The following SLC17A3 variants were observed in gnomAD, a reference collection of about 807,000 sequenced individuals.
SLC17A3 encodes the protein solute carrier family 17 member 3.
A neutral mutation model predicts 60.3 loss-of-function variants in SLC17A3; 61 were observed. The observed-to-expected ratio is 1.01, with a 90% CI of 0.82 to 1.25. The LOEUF (loss-of-function observed/expected upper bound fraction) is 1.25, where lower values mean the gene tolerates loss of function less well. Among genes scored for constraint, SLC17A3 ranks in the 50% most tolerant of loss-of-function variants. The probability of loss-of-function intolerance (pLI) is 0.00; values close to 1 mark genes in which losing one functional copy is unlikely to be tolerated. For synonymous variants in SLC17A3, 192 were observed against 208.9 expected (o/e 0.92, Z 0.70); for missense variants, 624 against 594.9 (o/e 1.05, Z -0.51).
chr6:25,850,465 G>C lies in SLC17A3; in HGVS notation c.987C>G (p.Ile329Met). ...GGGAAGGAAACATACTCACGTCTCT[G>C]ATGTTAACATGGTACACAGAGCTGA... ...TYISSVYHVN[I>M]RDNGLLSALP... The change falls in exon 8 of 13, where the codon ATC (isoleucine) becomes ATG (methionine). Residue 329 changes from isoleucine (I) to methionine (M), a missense_variant. Ile to Met is a conservative substitution (Grantham distance 10). Coordinates refer to ENST00000397060, the MANE Select transcript of SLC17A3 (RefSeq NM_001098486.2). 1 of 1,613,712 alleles carries C rather than the reference G, an allele frequency of 6.2e-7. No individual in the cohort carries two copies. Among genetic ancestry groups the C allele is most frequent in the Non-Finnish European group, 8.5e-7 (1 of 1,179,716 alleles).
chr6:25,849,444 C>G lies in SLC17A3; in HGVS notation c.1292G>C (p.Gly431Ala). 1 of 1,611,418 alleles carries G rather than the reference C, an allele frequency of 6.2e-7. No individual in the cohort carries two copies. The highest frequency in any genetic ancestry group is 1.7e-5 in the Admixed American group (1 of 60,008). ...TATGCTCGAAAATCCTCTTGATGCT[C>G]CCATGAGAAAACTGGAATACCTGTG... ...IAPRYSSFLM[G>A]ASRGFSSIAP... Residue 431 changes from glycine (G) to alanine (A), a missense_variant, in exon 11 of 13, where the codon GGA becomes GCA. Transcript: ENST00000397060.
intron 11 of SLC17A3, among the ~76,000 whole-genome samples, chr6:25,848,768 C>T (rs898155695): frequency 6.6e-6 from 1 of 152,130 alleles, no homozygotes. Flanking sequence ...AACTAAAGAG[C>T]TTTTGCACAG....
intron 5 of SLC17A3, among the ~76,000 whole-genome samples, chr6:25,859,855 C>T (rs912838100): frequency 1.3e-5 from 2 of 152,106 alleles, no homozygotes; most frequent in African/African-American, 4.8e-5. Flanking sequence ...GGATAACATA[C>T]CCCATTTCCA....
chr6:25,852,021 T>G (rs1342368583), intron 6 of SLC17A3, among the ~76,000 whole-genome samples: 1 of 152,162 alleles, frequency 6.6e-6, no homozygotes, highest in East Asian at 1.9e-4. Context: ...ATTTCAGCTT[T>G]TCTACATCTG....
In SLC17A3 at chr6:25,868,289, A is replaced by T; in HGVS notation, c.91+8T>A. On this transcript the variant is annotated splice_region_variant and intron_variant, in intron 2 of 12. Transcript: ENST00000397060. ...ATCCTAAAACCAAGCAGTTGAGGTCAAATTTACCTTTCCTGGGGATCAGTG... is the reference window on the plus strand; with the variant it reads ...ATCCTAAAACCAAGCAGTTGAGGTCTAATTTACCTTTCCTGGGGATCAGTG... 2 of 1,609,586 alleles carry T rather than the reference A, an allele frequency of 1.2e-6. No homozygotes were observed. The highest frequency in any genetic ancestry group is 1.7e-6 in the Non-Finnish European group (2 of 1,176,486).
chr6:25,851,044 G>A (rs1480659188), intron 6 of SLC17A3, among the ~76,000 whole-genome samples, 167 bp from the exon 7 acceptor site: 1 of 152,002 alleles, frequency 6.6e-6, no homozygotes, highest in Non-Finnish European at 1.5e-5. Context: ...CTGTTTATTT[G>A]TGTGTGTGGA....
In SLC17A3 at chr6:25,845,448, G is replaced by C. The variant is rs1206409900; in HGVS notation, c.1431C>G (p.Phe477Leu). The C allele has an allele frequency of 1.2e-6, 2 of 1,613,980 alleles. No homozygotes were observed. The highest frequency in any genetic ancestry group is 1.7e-5 in the Admixed American group (1 of 60,020). The change falls in exon 12 of 13, where the codon TTC (phenylalanine) becomes TTG (leucine). Residue 477 changes from phenylalanine (F) to leucine (L), a missense_variant. Transcript: ENST00000397060. Reference protein sequence around the residue: ...LFAVNLLGLLFYLIFGEADVQ... With the variant: ...LFAVNLLGLLLYLIFGEADVQ... ...CATCTGCTTCTCCAAATATGAGGTA[G>C]AAGAGTAGTCCTAACAGGTTAACGG...
In SLC17A3 at chr6:25,850,637, T is replaced by C. The variant is rs970322276; in HGVS notation, c.832-17A>G. The C allele has an allele frequency of 1.1e-5, 18 of 1,613,622 alleles. No homozygotes were observed. Among genetic ancestry groups the C allele is most frequent in the Non-Finnish European group, 1.4e-5 (16 of 1,179,564 alleles). The stretch of plus-strand genomic sequence containing the variant: ...AGACCCGACCTGAAAACAAATTTAC[T>C]GGTCATAACGGTAAATCCGACAGAT... On this transcript the variant is annotated splice_polypyrimidine_tract_variant and intron_variant, in intron 7 of 12. Transcript: ENST00000397060.
chr6:25,851,492 C>T (rs567358251), intron 6 of SLC17A3, among the ~76,000 whole-genome samples: 12 of 152,072 alleles, frequency 7.9e-5, no homozygotes, highest in South Asian at 4.2e-4. Flanking sequence ...GAAAGATTAA[C>T]GCCTATGTTT....
rs150241864 is a variant in SLC17A3, at chr6:25,868,199, A to C, written c.91+98T>G. The stretch of plus-strand genomic sequence containing the variant: ...TTTCACTGGATTTGTAAAAAGAATT[A>C]AAGAACTTAAAAATCACAAATTCAT... On this transcript the variant is annotated intron_variant, in intron 2 of 12. Transcript: ENST00000397060. 58 of 890,426 alleles carry C rather than the reference A, an allele frequency of 6.5e-5. 1 individual carries two copies. The highest frequency in any genetic ancestry group is 3.7e-4 in the Admixed American group (19 of 50,854). 55.2% of individuals were successfully genotyped at this position (890,426 alleles called of 1,614,324 possible).
At chr6:25,861,168 T>C (rs1365039584) in intron 5 of SLC17A3, among the ~76,000 whole-genome samples, 2 of 152,178 alleles carry the variant, frequency 1.3e-5, no homozygotes, top group Non-Finnish European at 2.9e-5. Context: ...CAGATCATTG[T>C]CAGCAAGAAG....
In SLC17A3 at chr6:25,845,249, T is replaced by C. The variant is rs1765152245; in HGVS notation, c.*52A>G. ...TGGTATTTTCATCACGGAAGCCTTC[T>C]ATTTTATGCAATACGGTGCCTAATG... is the stretch of plus-strand genomic sequence containing the variant. On this transcript the variant is annotated 3_prime_UTR_variant, in exon 13 of 13. Coordinates refer to ENST00000397060, the MANE Select transcript of SLC17A3 (RefSeq NM_001098486.2). The C allele has an allele frequency of 1.9e-6, 2 of 1,031,646 alleles. No individual in the cohort carries two copies. The highest frequency in any genetic ancestry group is 3.2e-5 in the African/African-American group (2 of 62,498). 63.9% of individuals were successfully genotyped at this position (1,031,646 alleles called of 1,614,324 possible). A position where few individuals can be genotyped will look rare whatever the true frequency, so the allele number is the denominator to read the frequency against.
intron 5 of SLC17A3, among the ~76,000 whole-genome samples, chr6:25,861,004 A>G (rs1765437504): frequency 6.6e-6 from 1 of 152,158 alleles, no homozygotes; most frequent in Non-Finnish European, 1.5e-5. Context: ...CTTGGTACTC[A>G]TAAATTACCT....
intron 2 of SLC17A3, among the ~76,000 whole-genome samples, chr6:25,863,967 A>C (rs571178884): frequency 6.6e-6 from 1 of 152,200 alleles, no homozygotes; most frequent in Admixed American, 6.6e-5. Flanking sequence ...ACAAAATATG[A>C]AACACAAACA....
chr6:25,861,999 G>A lies in SLC17A3; in HGVS notation c.334C>T (p.Gln112Ter), dbSNP rs370924957. The A allele has an allele frequency of 6.2e-7, 1 of 1,609,118 alleles. No individual in the cohort carries two copies. The highest frequency in any genetic ancestry group is 1.1e-5 in the South Asian group (1 of 89,844). The change falls in exon 4 of 13, where the codon CAA becomes TAA. Residue 112 changes from glutamine (Q) to a stop codon, truncating the protein, a stop_gained. Coordinates refer to ENST00000397060, the MANE Select transcript of SLC17A3 (RefSeq NM_001098486.2). LOFTEE classifies it high-confidence loss of function. ...APVYDWSPQIQGIIFGAVGYG... is the reference protein window; with the variant it reads ...APVYDWSPQI ...CCAACAGCACCAAAGATGATGCCTT[G>A]GATTTGAGGAGACCAGTCATACACA... is the stretch of plus-strand genomic sequence containing the variant.
At chr6:25,856,734 C>T (rs1581524995) in intron 5 of SLC17A3, among the ~76,000 whole-genome samples, 1 of 151,716 alleles carries the variant, frequency 6.6e-6, no homozygotes, top group East Asian at 1.9e-4. Flanking sequence ...GTAATACCAG[C>T]TACTGTGGAG....
intron 6 of SLC17A3, among the ~76,000 whole-genome samples, chr6:25,853,268 T>TCA (rs1290443236): frequency 1.4e-5 from 2 of 146,550 alleles, no homozygotes; most frequent in Non-Finnish European, 1.5e-5. Flanking sequence ...CTTTCCTTTC[T>TCA]CTCTCTCTCT....
In SLC17A3 at chr6:25,845,051, C is replaced by G. The variant is rs1387718113; in HGVS notation, c.*250G>C. ...GGAATCTAACATACTGGGTCCCACA[C>G]AGCAAGCCCTCTTAATCCATTGTTA... On this transcript the variant is annotated 3_prime_UTR_variant, in exon 13 of 13. Transcript: ENST00000397060. 1 of 291,008 alleles carries G rather than the reference C, an allele frequency of 3.4e-6. No homozygotes were observed. Among genetic ancestry groups the G allele is most frequent in the Non-Finnish European group, 6.6e-6 (1 of 150,742 alleles). 18.0% of individuals were successfully genotyped at this position (291,008 alleles called of 1,614,324 possible).
At chr6:25,850,932 CTT>C in intron 6 of SLC17A3, 55 bp from the exon 7 acceptor site, 1 of 1,250,392 alleles carries the variant, frequency 8.0e-7, no homozygotes, top group Non-Finnish European at 1.2e-6. Context: ...TTTGGGTGAA[CTT>C]CTTTTATGTT....
Sources: gnomAD v4.1 joint callset for allele counts (sites outside exome capture counted in the v4.1 genomes callset) on GRCh38, gnomAD v4.1.1 for gene constraint, MANE v1.5 for transcripts, NCBI Gene and HGNC (gene_info 2026-07-23, HGNC 2026-07-21) for gene names.